The following SSH2 variants were observed in gnomAD, a reference collection of about 807,000 sequenced individuals.
The protein encoded by SSH2 is protein phosphatase Slingshot homolog 2.
A neutral mutation model predicts 135.2 loss-of-function variants in SSH2; 37 were observed. That is an observed-to-expected ratio of 0.27 (90% confidence interval 0.21 to 0.36). The LOEUF (loss-of-function observed/expected upper bound fraction) is 0.36, where lower values mean the gene tolerates loss of function less well. Among genes scored for constraint, SSH2 ranks in the 10% least tolerant of loss-of-function variants. The pLI, the probability that SSH2 is intolerant of heterozygous loss-of-function variation, is 1.00. For synonymous variants in SSH2, 628 were observed against 646.2 expected (o/e 0.97, Z 0.43); for missense variants, 1,408 against 1,765.3 (o/e 0.80, Z 3.63).
chr17:29,825,222 G>A (rs1369253121), intron 2 of SSH2, among the ~76,000 whole-genome samples: 1 of 152,174 alleles, frequency 6.6e-6, no homozygotes. Flanking sequence ...GGAGAAGTAG[G>A]AGAGGAAGAG....
chr17:29,830,773 G>T (rs976951465), intron 2 of SSH2, among the ~76,000 whole-genome samples: 1 of 152,190 alleles, frequency 6.6e-6, no homozygotes, highest in Non-Finnish European at 1.5e-5. Context: ...AGTCAGTGAA[G>T]GAGTACCCAG....
intron 14 of SSH2, among the ~76,000 whole-genome samples, chr17:29,642,573 C>T (rs2036208099): frequency 6.6e-6 from 1 of 151,882 alleles, no homozygotes; most frequent in Admixed American, 6.6e-5. Flanking sequence ...ACACCACCCC[C>T]CCCACCGCCT....
chr17:29,634,614 A>G (rs2035818869), intron 15 of SSH2, among the ~76,000 whole-genome samples: 1 of 152,160 alleles, frequency 6.6e-6, no homozygotes, highest in Admixed American at 6.6e-5. Flanking sequence ...GTGCAGTGGC[A>G]TGATCTCAGC....
At chr17:29,754,241 T>A (rs1000141328) in intron 3 of SSH2, among the ~76,000 whole-genome samples, 4 of 152,196 alleles carry the variant, frequency 2.6e-5, no homozygotes, top group Non-Finnish European at 5.9e-5. Context: ...TCAGAAACTC[T>A]GGGGACTGTG....
Position 29,929,918 on chromosome 17 carries a change from G to T in SSH2, c.63+20C>A. The T allele has an allele frequency of 6.3e-7, 1 of 1,581,986 alleles. No individual in the cohort carries two copies. Among genetic ancestry groups the T allele is most frequent in the South Asian group, 1.2e-5 (1 of 86,850 alleles). ...CCGCAGTGACAGAAGCAAGCGGAGC[G>T]GCCGCCAGGAAGGACTCACCGAGGC... On this transcript the variant is annotated intron_variant, in intron 1 of 15. Coordinates refer to ENST00000540801, the MANE Select transcript of SSH2 (RefSeq NM_001282129.2).
At chr17:29,678,023 C>T (rs1356316004) in intron 6 of SSH2, among the ~76,000 whole-genome samples, 1 of 152,086 alleles carries the variant, frequency 6.6e-6, no homozygotes. Context: ...CTAAAAAATG[C>T]AGATGATTGC....
At chr17:29,660,347 A>T (rs1009473290) in intron 11 of SSH2, among the ~76,000 whole-genome samples, 2 of 149,624 alleles carry the variant, frequency 1.3e-5, no homozygotes, top group African/African-American at 4.9e-5. Flanking sequence ...GCTCACCGCA[A>T]CCTCTGCCTC....
chr17:29,881,519 C>T (rs1030163172), intron 1 of SSH2, among the ~76,000 whole-genome samples: 6 of 150,424 alleles, frequency 4.0e-5, no homozygotes, highest in East Asian at 1.9e-4. Context: ...TCTTTTTTTC[C>T]GAGACAGAGT....
intron 2 of SSH2, among the ~76,000 whole-genome samples, chr17:29,848,535 G>GA (rs903318793): frequency 4.0e-5 from 6 of 151,686 alleles, no homozygotes; most frequent in Non-Finnish European, 8.8e-5. Flanking sequence ...TGCATGAGGG[G>GA]AAAAAAATCC....
At chr17:29,760,411 G>C (rs1002567575) in intron 3 of SSH2, among the ~76,000 whole-genome samples, 15 of 152,080 alleles carry the variant, frequency 9.9e-5, no homozygotes, top group African/African-American at 3.6e-4. Context: ...ACCTGAATAG[G>C]AAAAGTTCCT....
At chr17:29,746,266 C>T (rs2151219228) in intron 3 of SSH2, among the ~76,000 whole-genome samples, 1 of 152,186 alleles carries the variant, frequency 6.6e-6, no homozygotes, top group East Asian at 1.9e-4. Flanking sequence ...ATAGATGAGG[C>T]CAGGTGCAAT....
rs374301970 is a variant in SSH2 at position 29,677,403 on chromosome 17, T to A, written c.548+270A>T. On this transcript the variant is annotated intron_variant, in intron 7 of 15. Coordinates refer to ENST00000540801, the MANE Select transcript of SSH2 (RefSeq NM_001282129.2). ...ATCCTTTGGGAGAGCATTGCAACAGTCCCACATACTCAGATTAAAGAGCCA... is the reference window on the plus strand; with the variant it reads ...ATCCTTTGGGAGAGCATTGCAACAGACCCACATACTCAGATTAAAGAGCCA... Among the ~76,000 whole-genome samples the A allele has an allele frequency of 2.1e-4, 32 of 152,224 alleles. No individual in the cohort carries two copies. In the East Asian group the frequency reaches 4.6e-3, roughly 22 times the overall value.
intron 2 of SSH2, 98 bp from the exon 3 acceptor site, chr17:29,794,035 G>A: frequency 3.2e-6 from 3 of 942,318 alleles, no homozygotes; most frequent in Non-Finnish European, 4.9e-6. Context: ...TTGTGTACTT[G>A]AACTAAATTA....
At chr17:29,699,339 T>A (rs2038888851) in intron 4 of SSH2, among the ~76,000 whole-genome samples, 1 of 152,174 alleles carries the variant, frequency 6.6e-6, no homozygotes, top group South Asian at 2.1e-4. Context: ...GAAACATGCA[T>A]AAGGAAGTAC....
intron 2 of SSH2, among the ~76,000 whole-genome samples, chr17:29,820,859 T>C (rs115024189): frequency 1.0e-3 from 157 of 152,286 alleles, no homozygotes; most frequent in African/African-American, 3.5e-3. Context: ...TTCGATTAAA[T>C]TCAGCCCCTT....
At position 29,627,871 on chromosome 17, in the gene SSH2, G is replaced by A. The variant is rs958760524; in HGVS notation, c.*2970C>T. ...CAACTGTTTTTATATATGTACATAT[G>A]TGTACACATGCACATACACTCCTCC... On this transcript the variant is annotated 3_prime_UTR_variant, in exon 16 of 16. Transcript: ENST00000540801. 1.3e-5 allele frequency: 2 copies of A among 152,176 alleles called. No individual in the cohort carries two copies. Among genetic ancestry groups the A allele is most frequent in the Non-Finnish European group, 2.9e-5 (2 of 68,042 alleles). The allele number at this position is 152,176 out of a possible 1,614,324, so 9.4% of individuals were successfully genotyped here. A position where few individuals can be genotyped will look rare whatever the true frequency, so the allele number is the denominator to read the frequency against.
chr17:29,847,237 TC>T (rs1426050595), intron 2 of SSH2, among the ~76,000 whole-genome samples: 3 of 152,164 alleles, frequency 2.0e-5, no homozygotes, highest in Admixed American at 6.5e-5. Flanking sequence ...CACAGTGCCA[TC>T]CCTAATCTGC....
intron 1 of SSH2, among the ~76,000 whole-genome samples, chr17:29,859,946 A>C (rs983773948): frequency 6.6e-6 from 1 of 152,078 alleles, no homozygotes; most frequent in African/African-American, 2.4e-5. Flanking sequence ...TCCTGAGTTC[A>C]AGCGATTCTC....
chr17:29,707,107 T>G (rs1292532842), intron 3 of SSH2: 2 of 150,730 alleles, frequency 1.3e-5, no homozygotes, highest in African/African-American at 4.9e-5. Context: ...GAGCCGAGAT[T>G]GCGCCACTGC....
Sources: gnomAD v4.1 joint callset for allele counts (sites outside exome capture counted in the v4.1 genomes callset) on GRCh38, gnomAD v4.1.1 for gene constraint, MANE v1.5 for transcripts, NCBI Gene and HGNC (gene_info 2026-07-23, HGNC 2026-07-21) for gene names.